SLC12A6: variants seen among roughly 807,000 people sequenced by gnomAD.
SLC12A6 encodes the protein solute carrier family 12 member 6.
In SLC12A6, 66 loss-of-function variants were observed where a neutral mutation model predicts 135.3. That is an observed-to-expected ratio of 0.49 (90% CI 0.40 to 0.60). SLC12A6 has a LOEUF of 0.60. Among genes scored for constraint, SLC12A6 ranks in the 20% least tolerant of loss-of-function variants. The pLI is 0.00. For synonymous variants in SLC12A6, 513 were observed against 508.8 expected (o/e 1.01, Z -0.11); for missense variants, 1,058 against 1,452.3 (o/e 0.73, Z 4.41).
Position 34,259,860 on chromosome 15 carries a change from C to T in SLC12A6, c.412-916G>A, listed in dbSNP as rs746887868. ...CAGGCACAGAAAGATAAATAGCACACGATCTCACTTACATGTGGGATCTAA... is the reference window on the plus strand; with the variant it reads ...CAGGCACAGAAAGATAAATAGCACATGATCTCACTTACATGTGGGATCTAA... On this transcript the variant is annotated intron_variant, in intron 4 of 25. Coordinates refer to ENST00000354181, the MANE Select transcript of SLC12A6 (RefSeq NM_001365088.1). Among the ~76,000 whole-genome samples the T allele has an allele frequency of 9.6e-4, 146 of 152,096 alleles. 2 individuals carry two copies. Among genetic ancestry groups the T allele is most frequent in the Middle Eastern group, 3.2e-3 (1 of 316 alleles).
intron 2 of SLC12A6, among the ~76,000 whole-genome samples, chr15:34,297,638 A>G (rs890144137): frequency 3.3e-5 from 5 of 152,192 alleles, no homozygotes; most frequent in South Asian, 4.1e-4. Flanking sequence ...GACGTGCAAC[A>G]TTGATCAAGG....
intron 2 of SLC12A6, among the ~76,000 whole-genome samples, chr15:34,280,387 T>G (rs1894595214): frequency 6.6e-6 from 1 of 152,230 alleles, no homozygotes; most frequent in African/African-American, 2.4e-5. Context: ...CTGGCTGTAT[T>G]ATCTAGACAT....
At chr15:34,278,206 C>T (rs1370048412) in intron 2 of SLC12A6, among the ~76,000 whole-genome samples, 1 of 152,136 alleles carries the variant, frequency 6.6e-6, no homozygotes, top group Admixed American at 6.5e-5. Flanking sequence ...GCGGGTGGAT[C>T]ACCTGAGGTC....
intron 2 of SLC12A6, among the ~76,000 whole-genome samples, chr15:34,332,848 AT>A (rs1889946404): frequency 6.6e-6 from 1 of 152,212 alleles, no homozygotes; most frequent in African/African-American, 2.4e-5. Context: ...AATATGTTTT[AT>A]AGCCACATGG....
At chr15:34,252,944 C>G (rs1209588324) in intron 9 of SLC12A6, among the ~76,000 whole-genome samples, 1 of 152,172 alleles carries the variant, frequency 6.6e-6, no homozygotes, top group Non-Finnish European at 1.5e-5. Flanking sequence ...AGGAAAACAG[C>G]TTGGTCAGAA....
At chr15:34,250,089 G>A (rs562357111) in intron 13 of SLC12A6, among the ~76,000 whole-genome samples, 1 of 152,264 alleles carries the variant, frequency 6.6e-6, no homozygotes, top group East Asian at 1.9e-4. Flanking sequence ...GCTTTTTGTA[G>A]AGACAGGGTT....
chr15:34,273,744 G>A (rs974920450), intron 3 of SLC12A6, among the ~76,000 whole-genome samples: 1 of 152,066 alleles, frequency 6.6e-6, no homozygotes, highest in Non-Finnish European at 1.5e-5. Flanking sequence ...AGCATACATA[G>A]ACACACAAGT....
chr15:34,252,130 G>T, intron 10 of SLC12A6, 40 bp downstream of exon 10: 2 of 1,078,696 alleles, frequency 1.9e-6, no homozygotes, highest in Non-Finnish European at 2.9e-6. Context: ...ATTTTCCCCA[G>T]AAAATAGGAA....
chr15:34,332,589 G>A (rs549048554), intron 2 of SLC12A6, among the ~76,000 whole-genome samples: 2 of 152,196 alleles, frequency 1.3e-5, no homozygotes, highest in South Asian at 4.1e-4. Context: ...TTTGAGACCA[G>A]CCTGGCCAAC....
At chr15:34,249,160 A>T (rs550683817) in intron 13 of SLC12A6, among the ~76,000 whole-genome samples, 1 of 152,198 alleles carries the variant, frequency 6.6e-6, no homozygotes, top group Non-Finnish European at 1.5e-5. Context: ...TAAAAGGGAG[A>T]TTATTACAAT....
chr15:34,284,557 C>T (rs1331378748), intron 2 of SLC12A6, among the ~76,000 whole-genome samples: 3 of 152,142 alleles, frequency 2.0e-5, no homozygotes, highest in Admixed American at 6.5e-5. Context: ...CAGGCATGAG[C>T]CACTGCGCCT....
chr15:34,261,285 G>T (rs899442932), intron 3 of SLC12A6, among the ~76,000 whole-genome samples: 1 of 151,966 alleles, frequency 6.6e-6, no homozygotes, highest in Non-Finnish European at 1.5e-5. Flanking sequence ...TATTCTTTTG[G>T]AATTCCAGCC....
intron 7 of SLC12A6, 67 bp downstream of exon 7, chr15:34,256,162 C>G (rs1190343287): frequency 2.0e-6 from 2 of 1,020,894 alleles, no homozygotes. Context: ...GTTTGCACCT[C>G]TAGCTTTATA....
chr15:34,316,293 A>AT (rs376661196), intron 2 of SLC12A6, among the ~76,000 whole-genome samples: 42 of 148,058 alleles, frequency 2.8e-4, no homozygotes, highest in East Asian at 7.8e-4. Flanking sequence ...TCAATTTAAG[A>AT]TTTTTTTTTT....
At chr15:34,294,041 G>A (rs532915208) in intron 2 of SLC12A6, among the ~76,000 whole-genome samples, 81 of 152,254 alleles carry the variant, frequency 5.3e-4, no homozygotes, top group African/African-American at 1.6e-3. Flanking sequence ...TTGTAAAAGC[G>A]ATACAACTAT....
At chr15:34,337,259 G>C (rs1595599071) in intron 1 of SLC12A6, 73 bp downstream of exon 1, 1 of 168,070 alleles carries the variant, frequency 5.9e-6, no homozygotes, top group South Asian at 1.3e-4. Context: ...AAGCCACCCG[G>C]TGTTTTTGAT....
At chr15:34,256,122 ACAGAC>A in intron 7 of SLC12A6, 102 bp downstream of exon 7, 1 of 772,144 alleles carries the variant, frequency 1.3e-6, no homozygotes, top group South Asian at 1.4e-5. Context: ...GTAGCACAGA[ACAGAC>A]CAAATAGTAT....
At chr15:34,314,195 T>C (rs1012762325) in intron 2 of SLC12A6, among the ~76,000 whole-genome samples, 7 of 152,050 alleles carry the variant, frequency 4.6e-5, no homozygotes, top group African/African-American at 1.7e-4. Context: ...TTTACAGGCA[T>C]ATGCCACCAC....
intron 22 of SLC12A6, 141 bp downstream of exon 22, chr15:34,237,277 GT>G (rs1319499572): frequency 3.9e-5 from 23 of 586,450 alleles, no homozygotes; most frequent in South Asian, 1.6e-4. Context: ...ACAAATTAGG[GT>G]TTTTTTTTGT....
Sources: allele counts gnomAD v4.1 joint callset (sites outside exome capture counted in the v4.1 genomes callset), GRCh38; gene constraint gnomAD v4.1.1; transcripts MANE v1.5; gene names NCBI Gene and HGNC (gene_info 2026-07-23, HGNC 2026-07-21).